ARHGAP44: variants seen among roughly 807,000 people sequenced by gnomAD.
The protein encoded by ARHGAP44 is rho GTPase-activating protein 44.
A neutral mutation model predicts 106.8 loss-of-function variants in ARHGAP44; 43 were observed. That is an observed-to-expected ratio of 0.40 (90% CI 0.32 to 0.52). The LOEUF is 0.52. ARHGAP44 is among the 20% of genes least tolerant of loss of function. The pLI is 0.48. For missense variants in ARHGAP44, 866 were observed against 1,050.5 expected (o/e 0.82, Z 2.43); for synonymous variants, 439 against 410.3 (o/e 1.07, Z -0.85).
At chr17:12,967,837 G>T (rs933538285) in intron 16 of ARHGAP44, among the ~76,000 whole-genome samples, 2 of 152,154 alleles carry the variant, frequency 1.3e-5, no homozygotes, top group Non-Finnish European at 2.9e-5. Flanking sequence ...GCCATTTATA[G>T]TTCTTCTCTT....
intron 16 of ARHGAP44, among the ~76,000 whole-genome samples, chr17:12,964,923 T>C (rs1329327026): frequency 6.6e-6 from 1 of 152,154 alleles, no homozygotes; most frequent in Non-Finnish European, 1.5e-5. Flanking sequence ...AAGATGCCCA[T>C]CTGAGACTTC....
intron 1 of ARHGAP44, among the ~76,000 whole-genome samples, chr17:12,878,204 C>G (rs145063390): frequency 1.3e-5 from 2 of 151,950 alleles, no homozygotes; most frequent in Non-Finnish European, 2.9e-5. Flanking sequence ...CAGTGTTTCT[C>G]TAACTCGTTT....
chr17:12,927,933 A>T (rs534583499), intron 6 of ARHGAP44, among the ~76,000 whole-genome samples: 15 of 151,282 alleles, frequency 9.9e-5, no homozygotes, highest in Middle Eastern at 3.4e-3. Flanking sequence ...GATTTATTTT[A>T]TTTTTTTTTA....
rs569044919 is a variant in ARHGAP44 at position 12,854,984 on chromosome 17, A to C, written c.54-39956A>C. On this transcript the variant is annotated intron_variant, in intron 1 of 20. Transcript: ENST00000379672. ...AAAAAAAAAAAAAAAAAAAAAAAAGAAGCAGTGTCTCTATGTCCACACATG... is the reference window on the plus strand; with the variant it reads ...AAAAAAAAAAAAAAAAAAAAAAAAGCAGCAGTGTCTCTATGTCCACACATG... Among the ~76,000 whole-genome samples, 8 of 149,184 alleles carry C rather than the reference A, an allele frequency of 5.4e-5. No individual in the cohort carries two copies. The South Asian group carries it at 1.1e-3, about 20-fold the overall frequency.
intron 18 of ARHGAP44, among the ~76,000 whole-genome samples, chr17:12,978,035 TCAAAAAAA>T (rs1376060205): frequency 3.6e-5 from 2 of 55,562 alleles, no homozygotes; most frequent in African/African-American, 9.3e-5. Context: ...AGACTCCATC[TCAAAAAAA>T]AAAAAAAAAA....
At chr17:12,876,264 T>G (rs1159694694) in intron 1 of ARHGAP44, among the ~76,000 whole-genome samples, 2 of 152,130 alleles carry the variant, frequency 1.3e-5, no homozygotes, top group East Asian at 3.9e-4. Flanking sequence ...TTCGGCTTGC[T>G]TACCTTGCTT....
At chr17:12,968,485 C>A (rs1408229504) in intron 16 of ARHGAP44, among the ~76,000 whole-genome samples, 1 of 152,194 alleles carries the variant, frequency 6.6e-6, no homozygotes, top group Non-Finnish European at 1.5e-5. Context: ...CCTTCTGACT[C>A]CTGCCTCCTT....
chr17:12,990,592 G>A lies in ARHGAP44; in HGVS notation c.*421G>A, dbSNP rs1015213082. ...GGACGGCTCATGTCAGGTCTTGCAG[G>A]ATCAGTTTAATGGCCACAGAAAGGA... On this transcript the variant is annotated 3_prime_UTR_variant, in exon 21 of 21. Coordinates refer to ENST00000379672, the MANE Select transcript of ARHGAP44 (RefSeq NM_014859.6). 6.0e-5 allele frequency: 10 copies of A among 167,568 alleles called. No homozygotes were observed. The highest frequency in any genetic ancestry group is 5.9e-3 in the Middle Eastern group (2 of 340). The allele number at this position is 167,568 out of a possible 1,614,324, so 10.4% of individuals were successfully genotyped here.
intron 1 of ARHGAP44, among the ~76,000 whole-genome samples, chr17:12,806,923 A>C (rs981299177): frequency 3.3e-5 from 5 of 152,198 alleles, no homozygotes; most frequent in African/African-American, 1.2e-4. Flanking sequence ...CGTGGAAGCA[A>C]AACAAAAAAT....
intron 14 of ARHGAP44, among the ~76,000 whole-genome samples, chr17:12,956,187 A>T (rs2039122548): frequency 6.6e-6 from 1 of 152,104 alleles, no homozygotes; most frequent in Non-Finnish European, 1.5e-5. Context: ...CCAGAGCTAC[A>T]GGTCTGAAGT....
chr17:12,970,309 T>C (rs1049843842), intron 16 of ARHGAP44, among the ~76,000 whole-genome samples: 6 of 140,826 alleles, frequency 4.3e-5, no homozygotes, highest in African/African-American at 1.6e-4. Context: ...GGGGCTGCAG[T>C]GAGCCATGAT....
intron 1 of ARHGAP44, among the ~76,000 whole-genome samples, chr17:12,881,424 C>T (rs2036733579): frequency 6.6e-6 from 1 of 151,980 alleles, no homozygotes; most frequent in African/African-American, 2.4e-5. Context: ...TTAAATAAGT[C>T]ATGTCTCCTC....
intron 17 of ARHGAP44, 104 bp from the exon 18 acceptor site, chr17:12,973,980 AGCTGC>A (rs2143334515): frequency 8.3e-7 from 1 of 1,200,386 alleles, no homozygotes; most frequent in African/African-American, 1.5e-5. Context: ...GGGGTGCTAA[AGCTGC>A]GCTGCTCTTC....
At chr17:12,837,269 G>A (rs551683193) in intron 1 of ARHGAP44, among the ~76,000 whole-genome samples, 2 of 152,258 alleles carry the variant, frequency 1.3e-5, no homozygotes, top group South Asian at 4.1e-4. Flanking sequence ...TAATGTTGGA[G>A]GGAATTGAAT....
intron 20 of ARHGAP44, chr17:12,988,333 T>TGACA (rs1598171626): frequency 6.6e-6 from 1 of 152,248 alleles, no homozygotes; most frequent in Non-Finnish European, 1.5e-5. Context: ...TCTTCCTGCC[T>TGACA]GACATATTTG....
chr17:12,935,756 C>T (rs1463535214), intron 7 of ARHGAP44, among the ~76,000 whole-genome samples: 2 of 151,838 alleles, frequency 1.3e-5, no homozygotes, highest in African/African-American at 2.4e-5. Context: ...GAAAGGTGAG[C>T]CAATGATGTA....
chr17:12,834,201 C>T (rs934109951), intron 1 of ARHGAP44, among the ~76,000 whole-genome samples: 3 of 151,996 alleles, frequency 2.0e-5, no homozygotes, highest in African/African-American at 7.3e-5. Context: ...GGAGCTGCTC[C>T]TCTCTCCCCT....
At chr17:12,939,610 C>T (rs1374728690) in intron 7 of ARHGAP44, among the ~76,000 whole-genome samples, 17 of 152,046 alleles carry the variant, frequency 1.1e-4, no homozygotes, top group African/African-American at 3.4e-4. Context: ...GGACTACAGG[C>T]GCCCACCACC....
intron 1 of ARHGAP44, among the ~76,000 whole-genome samples, chr17:12,830,745 T>TA (rs2035063171): frequency 6.6e-6 from 1 of 152,066 alleles, no homozygotes; most frequent in Non-Finnish European, 1.5e-5. Context: ...ATGTTATTAT[T>TA]TTTTTTCCTT....
Sources: allele counts gnomAD v4.1 joint callset (sites outside exome capture counted in the v4.1 genomes callset), GRCh38; gene constraint gnomAD v4.1.1; transcripts MANE v1.5; gene names NCBI Gene and HGNC (gene_info 2026-07-23, HGNC 2026-07-21).